Variants in AGPAT3 observed in about 807,000 individuals in gnomAD.
AGPAT3 encodes the protein 1-acylglycerol-3-phosphate O-acyltransferase 3, also known as 1-acyl-sn-glycerol-3-phosphate acyltransferase gamma.
Under a neutral mutation model 47.3 loss-of-function variants are expected in AGPAT3, and 5 were observed. The ratio of observed to expected loss-of-function variants is 0.11; its 90% CI spans 0.06 to 0.22. AGPAT3 has a LOEUF of 0.22. Among genes scored for constraint, AGPAT3 ranks in the 10% least tolerant of loss-of-function variants. The pLI is 1.00. For missense variants in AGPAT3, 315 were observed against 493.0 expected (o/e 0.64, Z 3.42); for synonymous variants, 212 against 208.3 (o/e 1.02, Z -0.15).
chr21:43,879,909 C>T (rs540761390), intron 1 of AGPAT3, among the ~76,000 whole-genome samples: 1 of 152,302 alleles, frequency 6.6e-6, no homozygotes, highest in African/African-American at 2.4e-5. Flanking sequence ...ACTCTTGCTT[C>T]CCGTGAGCTC....
intron 8 of AGPAT3, among the ~76,000 whole-genome samples, chr21:43,978,844 G>T (rs531156256): frequency 1.3e-5 from 2 of 152,106 alleles, no homozygotes; most frequent in Admixed American, 1.3e-4. Flanking sequence ...TTTCCCCCAC[G>T]GCTTACTCAG....
chr21:43,914,914 A>C (rs1480582114), intron 2 of AGPAT3, among the ~76,000 whole-genome samples: 1 of 152,214 alleles, frequency 6.6e-6, no homozygotes, highest in Non-Finnish European at 1.5e-5. Context: ...GTTCTGTTTA[A>C]ACTATCTTTT....
chr21:43,872,950 G>A (rs1038444731), intron 1 of AGPAT3, among the ~76,000 whole-genome samples: 8 of 152,254 alleles, frequency 5.3e-5, no homozygotes, highest in Non-Finnish European at 1.0e-4. Flanking sequence ...ATGGGTCACC[G>A]GGAAGACGCA....
At chr21:43,917,819 G>A (rs395075) in intron 2 of AGPAT3, among the ~76,000 whole-genome samples, 4 of 106,544 alleles carry the variant, frequency 3.8e-5, no homozygotes, top group South Asian at 3.1e-4. Flanking sequence ...TGTTGTGGGT[G>A]TTGTGGGGGT....
At position 43,981,757 on chromosome 21, in the gene AGPAT3, C is replaced by T. The variant is rs1172695307; in HGVS notation, c.1043-547C>T. Among the ~76,000 whole-genome samples, 2 of 152,000 alleles carry T rather than the reference C, an allele frequency of 1.3e-5. No individual in the cohort carries two copies. The highest frequency in any genetic ancestry group is 1.3e-4 in the Admixed American group (2 of 15,270). ...GTGGAGACACAGTCCGTGTGCATCG[C>T]CCCGTGAGCCGACTCCCCAGGCCCA... On this transcript the variant is annotated intron_variant, in intron 9 of 9. Coordinates refer to ENST00000291572, the MANE Select transcript of AGPAT3 (RefSeq NM_020132.5). This position sits in a 1 kb window ranked among gnomAD's most constrained non-coding sequence, Gnocchi z 5.3.
intron 2 of AGPAT3, among the ~76,000 whole-genome samples, chr21:43,947,983 A>G (rs944244342): frequency 6.6e-6 from 1 of 152,186 alleles, no homozygotes; most frequent in South Asian, 2.1e-4. Flanking sequence ...ACAAATGTAT[A>G]TTGAATACGA....
At chr21:43,948,560 G>T (rs7277995) in intron 2 of AGPAT3, among the ~76,000 whole-genome samples, 1 of 152,034 alleles carries the variant, frequency 6.6e-6, no homozygotes, top group African/African-American at 2.4e-5. Context: ...ACCAGCAAAG[G>T]GGGTAGTGGC....
At chr21:43,944,830 C>T (rs940689337) in intron 2 of AGPAT3, among the ~76,000 whole-genome samples, 2 of 152,326 alleles carry the variant, frequency 1.3e-5, no homozygotes, top group African/African-American at 2.4e-5. Context: ...GCAGTGTCAG[C>T]GCTTTTCCAT....
chr21:43,893,604 T>C (rs2086148289), intron 1 of AGPAT3, among the ~76,000 whole-genome samples: 1 of 152,240 alleles, frequency 6.6e-6, no homozygotes, highest in Non-Finnish European at 1.5e-5. Flanking sequence ...CTTCTAGCTT[T>C]TGATGTAAAG....
At chr21:43,980,619 A>G (rs577334769) in intron 8 of AGPAT3, among the ~76,000 whole-genome samples, 3 of 152,364 alleles carry the variant, frequency 2.0e-5, no homozygotes, top group African/African-American at 7.2e-5. Context: ...CGGGACTCAC[A>G]CAGGCCACAC....
At chr21:43,914,326 G>A (rs1227051247) in intron 2 of AGPAT3, among the ~76,000 whole-genome samples, 1 of 152,114 alleles carries the variant, frequency 6.6e-6, no homozygotes, top group Non-Finnish European at 1.5e-5. Context: ...TTCATTAAAG[G>A]GATTGGGACG....
Position 43,930,452 on chromosome 21 carries a change from C to T in AGPAT3, c.-49+26433C>T, listed in dbSNP as rs1010870237. Among the ~76,000 whole-genome samples the T allele has an allele frequency of 1.6e-4, 24 of 152,176 alleles. 1 individual carries two copies. In the East Asian group the frequency reaches 1.9e-3, roughly 12 times the overall value. ...GTGACCTCAGGGTTGCCCGTGCGAC[C>T]TCAGCGTGGCCCATGGGACCTCGCT... is the stretch of plus-strand genomic sequence containing the variant. On this transcript the variant is annotated intron_variant, in intron 2 of 9. Transcript: ENST00000291572. This position sits in a 1 kb window ranked among gnomAD's most constrained non-coding sequence, Gnocchi z 5.0.
intron 1 of AGPAT3, among the ~76,000 whole-genome samples, chr21:43,874,809 C>T (rs2085697837): frequency 6.6e-6 from 1 of 152,146 alleles, no homozygotes; most frequent in Non-Finnish European, 1.5e-5. Context: ...TGTCTTTCAG[C>T]AATTCTGGAA....
At chr21:43,918,270 G>A (rs1463178179) in intron 2 of AGPAT3, among the ~76,000 whole-genome samples, 1 of 152,026 alleles carries the variant, frequency 6.6e-6, no homozygotes, top group African/African-American at 2.4e-5. Context: ...TCCAGGTGGA[G>A]AGAGTTAGTT....
At chr21:43,899,499 C>T (rs1434598878) in intron 1 of AGPAT3, among the ~76,000 whole-genome samples, 1 of 152,244 alleles carries the variant, frequency 6.6e-6, no homozygotes, top group African/African-American at 2.4e-5. Flanking sequence ...CTAAAGGTCT[C>T]TTAGAAGGTC....
intron 8 of AGPAT3, among the ~76,000 whole-genome samples, 155 bp from the exon 9 acceptor site, chr21:43,980,834 C>T (rs112812882): frequency 6.6e-6 from 1 of 152,200 alleles, no homozygotes; most frequent in Non-Finnish European, 1.5e-5. Context: ...CAGCCAGCTT[C>T]GCCTGCACCT....
intron 2 of AGPAT3, among the ~76,000 whole-genome samples, chr21:43,913,413 C>T (rs147701834): frequency 4.6e-5 from 7 of 151,984 alleles, no homozygotes; most frequent in East Asian, 3.9e-4. Context: ...GGTGAAACCC[C>T]GTCTCTATAA....
intron 2 of AGPAT3, among the ~76,000 whole-genome samples, chr21:43,938,466 G>T (rs769008101): frequency 6.6e-6 from 1 of 151,432 alleles, no homozygotes; most frequent in Non-Finnish European, 1.5e-5. Flanking sequence ...CTAATTTTTT[G>T]TATTTTTAAT....
chr21:43,957,953 C>T (rs553639477), intron 2 of AGPAT3, among the ~76,000 whole-genome samples: 3 of 152,348 alleles, frequency 2.0e-5, no homozygotes, highest in African/African-American at 7.2e-5. Flanking sequence ...CGGTGGAGCC[C>T]CTGGGGAGTC....
Sources: gnomAD v4.1 joint callset for allele counts (sites outside exome capture counted in the v4.1 genomes callset) on GRCh38, gnomAD v4.1.1 for gene constraint, Gnocchi (gnomAD v3.1) non-coding constraint, MANE v1.5 for transcripts, NCBI Gene and HGNC (gene_info 2026-07-23, HGNC 2026-07-21) for gene names.